The following TRIO variants were observed in gnomAD, a reference collection of about 807,000 sequenced individuals.
TRIO encodes the protein trio Rho guanine nucleotide exchange factor.
A neutral mutation model predicts 351.9 loss-of-function variants in TRIO; 58 were observed. The ratio of observed to expected loss-of-function variants is 0.16; its 90% CI spans 0.13 to 0.21. The LOEUF is 0.21. Ranked by LOEUF, TRIO falls within the 10% of genes least tolerant of loss-of-function variation. TRIO has a pLI of 1.00. For synonymous variants in TRIO, 1,758 were observed against 1,595.7 expected, an observed-to-expected ratio of 1.10 and a Z score of -2.42; for missense variants, 3,201 against 4,027.8, an observed-to-expected ratio of 0.79 and a Z score of 5.56.
At chr5:14,218,184 CAGTA>C (rs1230924854) in intron 1 of TRIO, among the ~76,000 whole-genome samples, 1 of 152,156 alleles carries the variant, frequency 6.6e-6, no homozygotes, top group Non-Finnish European at 1.5e-5. Context: ...TCATCTGTGT[CAGTA>C]AGCAGTTAAG....
chr5:14,292,942 C>T (rs1737036239), intron 5 of TRIO, 70 bp from the exon 6 acceptor site: 2 of 1,605,410 alleles, frequency 1.2e-6, no homozygotes, highest in Non-Finnish European at 8.5e-7. Context: ...TGGTACTGCC[C>T]CATCTGTGGG....
intron 36 of TRIO, among the ~76,000 whole-genome samples, chr5:14,463,844 G>A (rs1464273665): frequency 4.6e-5 from 7 of 152,082 alleles, no homozygotes. Flanking sequence ...GGCCTCAGCC[G>A]GTGCTTAGCA....
At chr5:14,359,625 C>A (rs1233172407) in intron 13 of TRIO, 94 bp downstream of exon 13, 2 of 1,428,404 alleles carry the variant, frequency 1.4e-6, no homozygotes, top group East Asian at 2.4e-5. Context: ...TGCTGAGGTC[C>A]TGTGTCCTCA....
chr5:14,486,290 C>G (rs1431286146), intron 47 of TRIO, among the ~76,000 whole-genome samples: 1 of 152,140 alleles, frequency 6.6e-6, no homozygotes, highest in African/African-American at 2.4e-5. Context: ...TTGTAATGTT[C>G]TCTGTCACAA....
At chr5:14,267,188 T>G (rs1487138992) in intron 1 of TRIO, among the ~76,000 whole-genome samples, 1 of 152,244 alleles carries the variant, frequency 6.6e-6, no homozygotes. Context: ...CTTCTTTGTC[T>G]AGGCTTTCTG....
intron 1 of TRIO, among the ~76,000 whole-genome samples, chr5:14,204,429 C>G (rs917293578): frequency 1.3e-5 from 2 of 152,012 alleles, no homozygotes; most frequent in Admixed American, 6.6e-5. Context: ...CTTGGTCTGT[C>G]TTTATGATCG....
At chr5:14,309,066 A>G (rs1738666305) in intron 8 of TRIO, among the ~76,000 whole-genome samples, 1 of 78,364 alleles carries the variant, frequency 1.3e-5, no homozygotes, top group South Asian at 6.2e-4. Flanking sequence ...TCTACCCACC[A>G]CTTACCCACC....
intron 1 of TRIO, among the ~76,000 whole-genome samples, chr5:14,203,380 G>A (rs1367436792): frequency 2.0e-5 from 3 of 152,086 alleles, no homozygotes; most frequent in Admixed American, 6.5e-5. Flanking sequence ...ACATTTCCCC[G>A]CAAGGACTAC....
chr5:14,349,367 C>T (rs1561374851), intron 11 of TRIO, among the ~76,000 whole-genome samples: 1 of 152,206 alleles, frequency 6.6e-6, no homozygotes, highest in South Asian at 2.1e-4. Context: ...TGTGTGCACA[C>T]ATGTGAGCAT....
chr5:14,186,123 G>A (rs570242050), intron 1 of TRIO, among the ~76,000 whole-genome samples: 19 of 152,264 alleles, frequency 1.2e-4, no homozygotes, highest in Admixed American at 5.9e-4. Context: ...AAAATAAATT[G>A]TAAACTCAAG....
intron 53 of TRIO, 115 bp from the exon 54 acceptor site, chr5:14,502,464 G>A: frequency 1.1e-6 from 1 of 887,226 alleles, no homozygotes; most frequent in Non-Finnish European, 1.8e-6. Context: ...TGAGCCGTGT[G>A]GCAGGTGCCC....
chr5:14,406,542 T>A, intron 32 of TRIO, 31 bp from the exon 33 acceptor site: 1 of 1,606,262 alleles, frequency 6.2e-7, no homozygotes, highest in Non-Finnish European at 8.5e-7. Flanking sequence ...CTCAGCAGCA[T>A]CAGGAACTAA....
intron 1 of TRIO, among the ~76,000 whole-genome samples, chr5:14,163,550 G>A (rs1788599869): frequency 6.6e-6 from 1 of 152,102 alleles, no homozygotes; most frequent in East Asian, 1.9e-4. Flanking sequence ...AATTTTTTCT[G>A]TCTCTCTATT....
intron 1 of TRIO, among the ~76,000 whole-genome samples, chr5:14,175,974 A>G (rs1476252990): frequency 7.2e-5 from 11 of 152,230 alleles, no homozygotes; most frequent in Non-Finnish European, 1.5e-5. Flanking sequence ...ACCAAATATC[A>G]ACCATAATTC....
intron 2 of TRIO, 97 bp from the exon 3 acceptor site, chr5:14,280,225 G>T: frequency 8.4e-7 from 1 of 1,188,242 alleles, no homozygotes; most frequent in African/African-American, 1.5e-5. Context: ...AATTTGTGTA[G>T]TTGCTTTAGG....
At chr5:14,506,626 G>T (rs556325119) in intron 55 of TRIO, among the ~76,000 whole-genome samples, 15 of 152,214 alleles carry the variant, frequency 9.9e-5, no homozygotes, top group Admixed American at 2.6e-4. Context: ...TTTTTAGTAT[G>T]AACAGTAGTT....
intron 53 of TRIO, among the ~76,000 whole-genome samples, chr5:14,501,322 A>G (rs1314436794): frequency 2.0e-5 from 3 of 152,260 alleles, no homozygotes; most frequent in Non-Finnish European, 4.4e-5. Context: ...AAAAGACTGC[A>G]GAACAAAACG....
intron 1 of TRIO, among the ~76,000 whole-genome samples, chr5:14,154,585 C>CT (rs1165356936): frequency 6.6e-6 from 1 of 152,092 alleles, no homozygotes; most frequent in African/African-American, 2.4e-5. Context: ...TCTCATCAGC[C>CT]ATACCTCATG....
intron 1 of TRIO, among the ~76,000 whole-genome samples, chr5:14,213,249 C>G (rs58360815): frequency 0.014 from 2,135 of 151,870 alleles, 34 homozygotes; most frequent in African/African-American, 0.048. Context: ...CACTCTTCTT[C>G]CCCTCTTCTC....
Sources: gnomAD v4.1 joint callset for allele counts (sites outside exome capture counted in the v4.1 genomes callset) on GRCh38, gnomAD v4.1.1 for gene constraint, MANE v1.5 for transcripts, NCBI Gene and HGNC (gene_info 2026-07-23, HGNC 2026-07-21) for gene names.